APOL6: variants seen among roughly 807,000 people sequenced by gnomAD.
APOL6 encodes apolipoprotein L, 6.
A neutral mutation model predicts 2.4 loss-of-function variants in APOL6; 1 was observed. The ratio of observed to expected loss-of-function variants is 0.41; its 90% confidence interval spans 0.15 to 1.94. The LOEUF is 1.94. Among genes scored for constraint, APOL6 ranks in the 30% most tolerant of loss-of-function variants. APOL6 has a pLI of 0.30. For missense variants in APOL6, 438 were observed against 429.2 expected, an observed-to-expected ratio of 1.02 and a Z score of -0.18; for synonymous variants, 189 against 169.3, an observed-to-expected ratio of 1.12 and a Z score of -0.90.
rs1470652307 is a variant in APOL6, at chr22:35,659,580, A to C, written c.1016A>C (p.Tyr339Ser). The C allele has an allele frequency of 1.2e-6, 2 of 1,606,154 alleles. No homozygotes were observed. The highest frequency in any genetic ancestry group is 1.7e-6 in the Non-Finnish European group (2 of 1,175,928). ...WLCVCLCVCV[Y>S]VQFT is the part of the protein sequence containing the mutation. ...TGTGTGTGTCTGTGTGTCTGTGTGTATGTACAGTTTACATGAATGTTCCTC... is the reference window on the plus strand; with the variant it reads ...TGTGTGTGTCTGTGTGTCTGTGTGTCTGTACAGTTTACATGAATGTTCCTC... The change falls in exon 3 of 3, where the codon TAT becomes TCT. Residue 339 changes from tyrosine (Y) to serine (S), a missense_variant. Physicochemically the swap from Tyr to Ser is moderately radical, Grantham distance 144. Transcript: ENST00000409652.
chr22:35,655,397 C>T (rs540783082), intron 1 of APOL6, among the ~76,000 whole-genome samples: 157 of 152,220 alleles, frequency 1.0e-3, no homozygotes, highest in Admixed American at 3.3e-3. Context: ...AGTCAATAAT[C>T]GCACTACCCG....
intron 2 of APOL6, 89 bp from the exon 3 acceptor site, chr22:35,658,526 G>T: frequency 8.4e-7 from 1 of 1,193,274 alleles, no homozygotes; most frequent in Non-Finnish European, 1.2e-6. Context: ...GGGAGGATTC[G>T]AAGCTGAGAG....
Position 35,660,022 on chromosome 22 carries a change from C to T in APOL6, c.*426C>T, listed in dbSNP as rs150243109. 8,551 of 168,784 alleles carry T rather than the reference C, an allele frequency of 0.051. 360 individuals carry two copies. The highest frequency in any genetic ancestry group is 0.18 in the East Asian group (1,154 of 6,238). 10.5% of individuals were successfully genotyped at this position (168,784 alleles called of 1,614,324 possible). A position where few individuals can be genotyped will look rare whatever the true frequency, so the allele number is the denominator to read the frequency against. ...CCTCAAGTGATCCACCCACCTTGGC[C>T]TCCCAAAATGCTGGGATTACAAGCG... On this transcript the variant is annotated 3_prime_UTR_variant, in exon 3 of 3. Coordinates refer to ENST00000409652, the MANE Select transcript of APOL6 (RefSeq NM_030641.4).
At chr22:35,654,171 T>C (rs927277656) in intron 1 of APOL6, among the ~76,000 whole-genome samples, 4 of 152,036 alleles carry the variant, frequency 2.6e-5, no homozygotes, top group African/African-American at 9.7e-5. Context: ...ACCCAGAAGC[T>C]CTCTGAACCC....
Position 35,656,803 on chromosome 22 carries a change from T to C in APOL6, c.50+328T>C, listed in dbSNP as rs185268854. 6.6e-5 allele frequency among the ~76,000 whole-genome samples: 10 copies of C among 152,304 alleles called. No homozygotes were observed. The East Asian group carries it at 1.9e-3, about 29-fold the overall frequency. On this transcript the variant is annotated intron_variant, in intron 2 of 2. Transcript: ENST00000409652. ...ACAGGAACTCCATTTCTTCAGCTCA[T>C]ATATCACCAAGGAAGGAAGCCATTT...
rs1460187330 is a variant in APOL6 at position 35,659,848 on chromosome 22, C to A, written c.*252C>A. 2.0e-6 allele frequency: 1 copy of A among 506,014 alleles called. No individual in the cohort carries two copies. Among genetic ancestry groups the A allele is most frequent in the Admixed American group, 3.3e-5 (1 of 29,928 alleles). The allele number at this position is 506,014 out of a possible 1,614,324, so 31.3% of individuals were successfully genotyped here. A position where few individuals can be genotyped will look rare whatever the true frequency, so the allele number is the denominator to read the frequency against. ...TGGCGTAATCTCGGCTCACTGCAAC[C>A]TCTGCCTCCTGAGTGCAAGCAAGTC... On this transcript the variant is annotated 3_prime_UTR_variant, in exon 3 of 3. Transcript: ENST00000409652.
At position 35,653,342 on chromosome 22, in the gene APOL6, A is replaced by G. The variant is rs527292769; in HGVS notation, c.-47-3037A>G. Among the ~76,000 whole-genome samples, 10 of 152,350 alleles carry G rather than the reference A, an allele frequency of 6.6e-5. No individual in the cohort carries two copies. The East Asian group carries it at 1.7e-3, about 26-fold the overall frequency. On this transcript the variant is annotated intron_variant, in intron 1 of 2. Coordinates refer to ENST00000409652, the MANE Select transcript of APOL6 (RefSeq NM_030641.4). ...TAGATATACAATCATGTCATCTGCA[A>G]ACAGGGACAATTTGACTTCCTCTTT...
Position 35,664,551 on chromosome 22 carries a change from T to C in APOL6, c.*4955T>C, listed in dbSNP as rs1015505914. The C allele has an allele frequency of 6.6e-6, 1 of 152,212 alleles. No homozygotes were observed. Among genetic ancestry groups the C allele is most frequent in the African/African-American group, 2.4e-5 (1 of 41,456 alleles). The allele number at this position is 152,212 out of a possible 1,614,324, so 9.4% of individuals were successfully genotyped here. A position where few individuals can be genotyped will look rare whatever the true frequency, so the allele number is the denominator to read the frequency against. Reference sequence around the variant, plus strand: ...AGTTAGGTCAAATCGTTTTTCACTGTCTCAGTTGTAATTTTGCAATGGAAG... The same window carrying C: ...AGTTAGGTCAAATCGTTTTTCACTGCCTCAGTTGTAATTTTGCAATGGAAG... On this transcript the variant is annotated 3_prime_UTR_variant, in exon 3 of 3. Coordinates refer to ENST00000409652, the MANE Select transcript of APOL6 (RefSeq NM_030641.4).
chr22:35,649,920 G>A (rs1285476011), intron 1 of APOL6, among the ~76,000 whole-genome samples: 4 of 152,134 alleles, frequency 2.6e-5, no homozygotes, highest in Non-Finnish European at 5.9e-5. Context: ...ACCAACAGCA[G>A]TACCCTCTCC....
chr22:35,660,565 G>T lies in APOL6; in HGVS notation c.*969G>T, dbSNP rs946658410. 1 of 152,262 alleles carries T rather than the reference G, an allele frequency of 6.6e-6. No individual in the cohort carries two copies. Among genetic ancestry groups the T allele is most frequent in the African/African-American group, 2.4e-5 (1 of 41,466 alleles). 9.4% of individuals were successfully genotyped at this position (152,262 alleles called of 1,614,324 possible). The stretch of plus-strand genomic sequence containing the variant: ...CCAAGTGTCTTAGTCTGTTTGTGCT[G>T]CTATAACAAAATACCTTAGACTGGG... On this transcript the variant is annotated 3_prime_UTR_variant, in exon 3 of 3. Coordinates refer to ENST00000409652, the MANE Select transcript of APOL6 (RefSeq NM_030641.4).
In APOL6 at chr22:35,659,250, T is replaced by G; in HGVS notation, c.686T>G (p.Met229Arg). The change falls in exon 3 of 3, where the codon ATG (methionine) becomes AGG (arginine). Residue 229 changes from methionine (M) to arginine (R), a missense_variant. Physicochemically the swap from Met to Arg is moderately conservative, Grantham distance 91. Coordinates refer to ENST00000409652, the MANE Select transcript of APOL6 (RefSeq NM_030641.4). The part of the protein sequence containing the change: ...QKAFAGTTLA[M>R]TKNARVLGGV... Reference sequence around the variant, plus strand: ...GCCTTTGCGGGAACAACACTGGCGATGACCAAAAATGCTCGCGTGCTGGGA... The same window carrying G: ...GCCTTTGCGGGAACAACACTGGCGAGGACCAAAAATGCTCGCGTGCTGGGA... 1 of 1,614,204 alleles carries G rather than the reference T, an allele frequency of 6.2e-7. No individual in the cohort carries two copies. Among genetic ancestry groups the G allele is most frequent in the South Asian group, 1.1e-5 (1 of 91,084 alleles).
At chr22:35,653,397 C>T (rs549621086) in intron 1 of APOL6, among the ~76,000 whole-genome samples, 66 of 152,202 alleles carry the variant, frequency 4.3e-4, no homozygotes, top group Non-Finnish European at 7.5e-4. Flanking sequence ...ATTTCTTTCT[C>T]CTGCCTGATT....
In APOL6 at chr22:35,656,407, T is replaced by C; in HGVS notation, c.-19T>C. The C allele has an allele frequency of 1.2e-6, 2 of 1,614,060 alleles. No homozygotes were observed. The highest frequency in any genetic ancestry group is 2.2e-5 in the East Asian group (1 of 44,872). On this transcript the variant is annotated 5_prime_UTR_variant, in exon 2 of 3. Transcript: ENST00000409652. The stretch of plus-strand genomic sequence containing the variant: ...ATCATTTGACTCCTGGGGACACAGA[T>C]TTGCTGCCACAGAGGCTGATGGACA...
rs1924929268 is a variant in APOL6 at position 35,658,965 on chromosome 22, A to G, written c.401A>G (p.Lys134Arg). The G allele has an allele frequency of 6.2e-7, 1 of 1,613,830 alleles. No homozygotes were observed. The highest frequency in any genetic ancestry group is 1.3e-5 in the African/African-American group (1 of 74,928). Residue 134 changes from lysine (K) to arginine (R), a missense_variant, in exon 3 of 3, where the codon AAA (lysine) becomes AGA (arginine). Coordinates refer to ENST00000409652, the MANE Select transcript of APOL6 (RefSeq NM_030641.4). ...GTGAGTGGTACGTTGGAACGCTCCA[A>G]AAATAAAGAAGCCCAAGCACGGGCG... ...SIVSGTLERS[K>R]NKEAQARAED...
intron 1 of APOL6, among the ~76,000 whole-genome samples, chr22:35,654,536 C>T (rs1438319690): frequency 7.1e-6 from 1 of 139,892 alleles, no homozygotes; most frequent in South Asian, 2.2e-4. Context: ...CTCTCTCTCT[C>T]TCTCTATATA....
At position 35,658,807 on chromosome 22, in the gene APOL6, C is replaced by T. The variant is rs1327780265; in HGVS notation, c.243C>T (p.Ala81=). 6.2e-7 allele frequency: 1 copy of T among 1,614,048 alleles called. No homozygotes were observed. Among genetic ancestry groups the T allele is most frequent in the Non-Finnish European group, 8.5e-7 (1 of 1,180,050 alleles). ...AATTCACCAAGGCTAACATGGTGGC[C>T]ACCTCTACTGCTGTCATCTCTGGAG... The part of the protein sequence containing the change: ...HKKFTKANMV[A]TSTAVISGVM... The change falls in exon 3 of 3, where the codon GCC becomes GCT. Residue 81 remains alanine, a synonymous_variant. Transcript: ENST00000409652.
In APOL6 at chr22:35,661,190, C is replaced by G. The variant is rs960378353; in HGVS notation, c.*1594C>G. ...TGGCCAACATGGCAAAACCCTGTCT[C>G]TACTATAAATACAAAAATTAGCCAG... On this transcript the variant is annotated 3_prime_UTR_variant, in exon 3 of 3. Transcript: ENST00000409652. The G allele has an allele frequency of 1.3e-5, 2 of 151,944 alleles. No individual in the cohort carries two copies. Among genetic ancestry groups the G allele is most frequent in the East Asian group, 3.9e-4 (2 of 5,186 alleles). 9.4% of individuals were successfully genotyped at this position (151,944 alleles called of 1,614,324 possible). A position where few individuals can be genotyped will look rare whatever the true frequency, so the allele number is the denominator to read the frequency against.
Position 35,667,971 on chromosome 22 carries a change from G to A in APOL6, c.*8375G>A, listed in dbSNP as rs1020762008. On this transcript the variant is annotated 3_prime_UTR_variant, in exon 3 of 3. Coordinates refer to ENST00000409652, the MANE Select transcript of APOL6 (RefSeq NM_030641.4). ...GTTCAGGCCATGATGGGAAGTGGGA[G>A]TCGAACATGCCTCATCATACCCTCC... 1 of 152,182 alleles carries A rather than the reference G, an allele frequency of 6.6e-6. No homozygotes were observed. The highest frequency in any genetic ancestry group is 1.5e-5 in the Non-Finnish European group (1 of 68,062). 9.4% of individuals were successfully genotyped at this position (152,182 alleles called of 1,614,324 possible). A position where few individuals can be genotyped will look rare whatever the true frequency, so the allele number is the denominator to read the frequency against.
At position 35,665,020 on chromosome 22, in the gene APOL6, T is replaced by G. The variant is rs1350790818; in HGVS notation, c.*5424T>G. The G allele has an allele frequency of 6.6e-6, 1 of 151,986 alleles. No individual in the cohort carries two copies. Among genetic ancestry groups the G allele is most frequent in the Admixed American group, 6.6e-5 (1 of 15,254 alleles). 9.4% of individuals were successfully genotyped at this position (151,986 alleles called of 1,614,324 possible). ...TCCTAAAATAAAATAACTGGTTGTT[T>G]AACAAGGAGGGATGTTCAGGACAAA... On this transcript the variant is annotated 3_prime_UTR_variant, in exon 3 of 3. Coordinates refer to ENST00000409652, the MANE Select transcript of APOL6 (RefSeq NM_030641.4).
Sources: allele counts gnomAD v4.1 joint callset (sites outside exome capture counted in the v4.1 genomes callset), GRCh38; gene constraint gnomAD v4.1.1; transcripts MANE v1.5; gene names NCBI Gene and HGNC (gene_info 2026-07-23, HGNC 2026-07-21).